EXOC6B: variants seen among roughly 807,000 people sequenced by gnomAD.
EXOC6B encodes the protein exocyst complex component 6B, also known as SEC15 homolog B.
In EXOC6B, 54 loss-of-function variants were observed where a neutral mutation model predicts 113.5. The ratio of observed to expected loss-of-function variants is 0.48; its 90% CI spans 0.38 to 0.60. The LOEUF (loss-of-function observed/expected upper bound fraction) is 0.60. Among genes scored for constraint, EXOC6B ranks in the 20% least tolerant of loss-of-function variants. EXOC6B has a pLI of 0.00. For missense variants in EXOC6B, 797 were observed against 977.5 expected (o/e 0.82, Z 2.46); for synonymous variants, 357 against 339.0 (o/e 1.05, Z -0.58).
In EXOC6B at chr2:72,575,555, A is replaced by C. The variant is rs757514014; in HGVS notation, c.783T>G (p.Thr261=). The change falls in exon 7 of 22, where the codon ACT becomes ACG. Residue 261 remains threonine (T), a synonymous_variant. Coordinates refer to ENST00000272427, the MANE Select transcript of EXOC6B (RefSeq NM_015189.3). ...CTGAATCCTGTTCAGACTTCGGACT[A>C]GTACTTTCTATCTCTGTATCAAAGA... The part of the protein sequence containing the change: ...YIIFDTEIES[T]SPKSEQDSGI... 1.2e-6 allele frequency: 2 copies of C among 1,611,856 alleles called. No homozygotes were observed. Among genetic ancestry groups the C allele is most frequent in the South Asian group, 2.2e-5 (2 of 90,530 alleles).
intron 19 of EXOC6B, among the ~76,000 whole-genome samples, chr2:72,365,697 T>G (rs1440722702): frequency 1.3e-5 from 2 of 152,090 alleles, no homozygotes; most frequent in Admixed American, 1.3e-4. Context: ...GAGTACTAAT[T>G]TGTGTTTGTA....
chr2:72,254,624 T>C lies in EXOC6B; in HGVS notation c.2197-70437A>G, dbSNP rs570205593. On this transcript the variant is annotated intron_variant, in intron 20 of 21. Transcript: ENST00000272427. ...TAAACATGTAGAAGTGGCTATGGAATTGGGGAATGTGCAGAGGCTGGTAAA... is the reference window on the plus strand; with the variant it reads ...TAAACATGTAGAAGTGGCTATGGAACTGGGGAATGTGCAGAGGCTGGTAAA... Among the ~76,000 whole-genome samples the C allele has an allele frequency of 7.2e-5, 11 of 152,316 alleles. No individual in the cohort carries two copies. In the South Asian group the frequency reaches 1.5e-3, roughly 20 times the overall value.
intron 17 of EXOC6B, among the ~76,000 whole-genome samples, chr2:72,480,174 A>G (rs996791547): frequency 1.1e-4 from 17 of 151,252 alleles, no homozygotes; most frequent in Non-Finnish European, 1.3e-4. Flanking sequence ...ACTGCACTCC[A>G]GCCTGGGCAA....
intron 6 of EXOC6B, among the ~76,000 whole-genome samples, chr2:72,713,173 T>C (rs917167557): frequency 6.6e-6 from 1 of 152,118 alleles, no homozygotes; most frequent in East Asian, 1.9e-4. Flanking sequence ...CTCCACACTA[T>C]CAAGGACAAA....
intron 18 of EXOC6B, among the ~76,000 whole-genome samples, chr2:72,435,435 G>A (rs1044182344): frequency 2.0e-5 from 3 of 152,198 alleles, no homozygotes; most frequent in Non-Finnish European, 4.4e-5. Context: ...TCGGTCCAGA[G>A]CTAAGTTCAA....
chr2:72,516,961 C>T (rs1235192779), intron 8 of EXOC6B, among the ~76,000 whole-genome samples: 6 of 152,180 alleles, frequency 3.9e-5, no homozygotes, highest in Admixed American at 2.0e-4. Context: ...TTTTCCTCTG[C>T]CTTCCTGAAA....
intron 1 of EXOC6B, among the ~76,000 whole-genome samples, chr2:72,814,579 C>T (rs537683718): frequency 6.6e-6 from 1 of 152,252 alleles, no homozygotes; most frequent in South Asian, 2.1e-4. Context: ...TGTTTCACTG[C>T]GTAATGTATA....
At chr2:72,551,676 T>G (rs1270432995) in intron 8 of EXOC6B, among the ~76,000 whole-genome samples, 1 of 151,202 alleles carries the variant, frequency 6.6e-6, no homozygotes, top group Non-Finnish European at 1.5e-5. Flanking sequence ...GGCTAATTTT[T>G]TTTTTGTATT....
chr2:72,640,481 G>A (rs1673149131), intron 6 of EXOC6B, among the ~76,000 whole-genome samples: 1 of 152,134 alleles, frequency 6.6e-6, no homozygotes, highest in South Asian at 2.1e-4. Context: ...CCTAGCTGGA[G>A]AGGCCAGCAT....
intron 19 of EXOC6B, among the ~76,000 whole-genome samples, chr2:72,353,951 T>C (rs1689820754): frequency 1.3e-5 from 2 of 152,292 alleles, no homozygotes; most frequent in African/African-American, 2.4e-5. Flanking sequence ...TCTGAAACAG[T>C]TAAGATTGAA....
intron 5 of EXOC6B, chr2:72,722,002 T>C (rs1044014994): frequency 3.5e-4 from 9 of 25,980 alleles, no homozygotes; most frequent in African/African-American, 6.8e-4. Context: ...GGTGCTCTAA[T>C]TGAAAAAAAA....
intron 20 of EXOC6B, among the ~76,000 whole-genome samples, chr2:72,308,213 A>T (rs1337706223): frequency 1.3e-5 from 2 of 152,196 alleles, no homozygotes; most frequent in Admixed American, 6.5e-5. Flanking sequence ...GGAAATGCCC[A>T]TGTGTCCACT....
intron 18 of EXOC6B, among the ~76,000 whole-genome samples, chr2:72,390,211 T>A (rs1447274951): frequency 1.3e-5 from 2 of 152,252 alleles, no homozygotes; most frequent in African/African-American, 4.8e-5. Context: ...CTAATACAAT[T>A]CAGTGTAATT....
chr2:72,240,534 T>C (rs541256668), intron 20 of EXOC6B, among the ~76,000 whole-genome samples: 11 of 152,294 alleles, frequency 7.2e-5, no homozygotes, highest in African/African-American at 2.6e-4. Context: ...CAAATGACTT[T>C]TACTCTGAAG....
At chr2:72,200,073 T>C (rs1679397725) in intron 20 of EXOC6B, among the ~76,000 whole-genome samples, 1 of 152,104 alleles carries the variant, frequency 6.6e-6, no homozygotes, top group South Asian at 2.1e-4. Flanking sequence ...ATTTTTGTAT[T>C]TGTAGTAGAA....
At chr2:72,591,124 TGAG>T (rs1269756525) in intron 6 of EXOC6B, among the ~76,000 whole-genome samples, 1 of 152,042 alleles carries the variant, frequency 6.6e-6, no homozygotes, top group Non-Finnish European at 1.5e-5. Context: ...TCACAAAAAT[TGAG>T]GAGTAGGCTA....
intron 19 of EXOC6B, among the ~76,000 whole-genome samples, chr2:72,369,380 G>A (rs1259903153): frequency 6.6e-6 from 1 of 152,136 alleles, no homozygotes; most frequent in Admixed American, 6.5e-5. Context: ...AGAAATGGAA[G>A]AACATTTCGT....
intron 18 of EXOC6B, among the ~76,000 whole-genome samples, chr2:72,386,754 G>T (rs188541766): frequency 9.5e-4 from 145 of 152,244 alleles, no homozygotes; most frequent in Non-Finnish European, 1.9e-3. Context: ...GAAAATACGG[G>T]AAACTATGTG....
At chr2:72,750,142 T>C (rs555367399) in intron 1 of EXOC6B, among the ~76,000 whole-genome samples, 19 of 151,868 alleles carry the variant, frequency 1.3e-4, no homozygotes, top group Admixed American at 1.2e-3. Context: ...ATTCAACTCC[T>C]GGTCCAATTT....
Sources: gnomAD v4.1 joint callset for allele counts (sites outside exome capture counted in the v4.1 genomes callset) on GRCh38, gnomAD v4.1.1 for gene constraint, MANE v1.5 for transcripts, NCBI Gene and HGNC (gene_info 2026-07-23, HGNC 2026-07-21) for gene names.